JAKMIP1: variants seen among roughly 807,000 people sequenced by gnomAD.
The protein encoded by JAKMIP1 is janus kinase and microtubule-interacting protein 1.
In JAKMIP1, 33 loss-of-function variants were observed where a neutral mutation model predicts 113.0. The observed-to-expected ratio is 0.29, with a 90% CI of 0.22 to 0.39. JAKMIP1 has a LOEUF of 0.39. Ranked by LOEUF, JAKMIP1 falls within the 10% of genes least tolerant of loss-of-function variation. The probability of loss-of-function intolerance (pLI) is 1.00; values close to 1 mark genes in which losing one functional copy is unlikely to be tolerated. For missense variants in JAKMIP1, 813 were observed against 1,080.5 expected (o/e 0.75, Z 3.47); for synonymous variants, 480 against 459.9 (o/e 1.04, Z -0.56).
chr4:6,114,768 A>T lies in JAKMIP1; in HGVS notation c.-147-1771T>A, dbSNP rs76030313. On this transcript the variant is annotated intron_variant, in intron 1 of 20. Transcript: ENST00000409021. ...GATCTGACTTAGAGCTTGATACATA[A>T]TTCATTCCTCACCTCGGCTGACCTG... Among the ~76,000 whole-genome samples, 690 of 152,326 alleles carry T rather than the reference A, an allele frequency of 4.5e-3. 3 individuals are homozygous for T. Among genetic ancestry groups the T allele is most frequent in the Non-Finnish European group, 7.2e-3 (489 of 68,026 alleles).
Position 6,069,167 on chromosome 4 carries a change from A to T in JAKMIP1, c.1303-4159T>A, listed in dbSNP as rs1718588173. Among the ~76,000 whole-genome samples, 1 of 152,214 alleles carries T rather than the reference A, an allele frequency of 6.6e-6. No homozygotes were observed. The highest frequency in any genetic ancestry group is 6.5e-5 in the Admixed American group (1 of 15,284). ...TTCACCACCTGCTTCTCAAGAGATGAGGGGAGAACCGCCCAGAAAACATTG... is the reference window on the plus strand; with the variant it reads ...TTCACCACCTGCTTCTCAAGAGATGTGGGGAGAACCGCCCAGAAAACATTG... On this transcript the variant is annotated intron_variant, in intron 8 of 20. Coordinates refer to ENST00000409021, the MANE Select transcript of JAKMIP1 (RefSeq NM_001099433.2). The surrounding 1 kb of genome is among the most constrained non-coding windows in gnomAD (Gnocchi z 4.5).
Position 6,069,920 on chromosome 4 carries a change from GTC to G in JAKMIP1, c.1303-4914_1303-4913del. 1 of 396,254 alleles carries G rather than the reference GTC, an allele frequency of 2.5e-6. No homozygotes were observed. Among genetic ancestry groups the G allele is most frequent in the Non-Finnish European group, 4.4e-6 (1 of 225,208 alleles). The allele number at this position is 396,254 out of a possible 1,614,324, so 24.5% of individuals were successfully genotyped here. A position where few individuals can be genotyped will look rare whatever the true frequency, so the allele number is the denominator to read the frequency against. ...ACAAATAGCCCCCCAACCAGATCCA[GTC>G]TCTCTCAGCCACCTGTCTTCTCACC... On this transcript the variant is annotated intron_variant, in intron 8 of 20. Transcript: ENST00000409021. This position sits in a 1 kb window ranked among gnomAD's most constrained non-coding sequence, Gnocchi z 4.5.
Position 6,180,894 on chromosome 4 carries a change from C to T in JAKMIP1, c.-148+19359G>A, listed in dbSNP as rs1328448167. 1.3e-5 allele frequency among the ~76,000 whole-genome samples: 2 copies of T among 152,188 alleles called. No homozygotes were observed. The highest frequency in any genetic ancestry group is 2.4e-5 in the African/African-American group (1 of 41,440). ...TTCTTTTTCAACTGCTACTTGCTGG[C>T]TCTTGGCCAACTCATTGCATCATTT... On this transcript the variant is annotated intron_variant, in intron 1 of 20. Transcript: ENST00000409021. This position sits in a 1 kb window ranked among gnomAD's most constrained non-coding sequence, Gnocchi z 4.5.
intron 3 of JAKMIP1, among the ~76,000 whole-genome samples, chr4:6,087,376 TGAG>T (rs1721454119): frequency 6.6e-6 from 1 of 152,212 alleles, no homozygotes; most frequent in African/African-American, 2.4e-5. Flanking sequence ...GTCTAACTGT[TGAG>T]GAGCTTTAGA....
intron 1 of JAKMIP1, among the ~76,000 whole-genome samples, chr4:6,126,989 C>T (rs1049565086): frequency 1.3e-5 from 2 of 151,894 alleles, no homozygotes; most frequent in African/African-American, 4.8e-5. Flanking sequence ...AGACATCACA[C>T]ACATCATACA....
In JAKMIP1 at chr4:6,035,934, C is replaced by G; in HGVS notation, c.2349G>C (p.Glu783Asp). 4 of 1,551,158 alleles carry G rather than the reference C, an allele frequency of 2.6e-6. No homozygotes were observed. The highest frequency in any genetic ancestry group is 3.5e-6 in the Non-Finnish European group (4 of 1,146,934). Residue 783 changes from glutamate to aspartate, a missense_variant, in exon 19 of 21, where the codon GAG becomes GAC. Glu to Asp is a conservative substitution (Grantham distance 45, BLOSUM62 2). This residue lies in a region of JAKMIP1 where 273 missense variants were observed against 426.6 expected (regional missense o/e 0.64). Coordinates refer to ENST00000409021, the MANE Select transcript of JAKMIP1 (RefSeq NM_001099433.2). ...SREFDSQILRERMELLQQAQQ... is the reference protein window; with the variant it reads ...SREFDSQILRDRMELLQQAQQ... ...GGGCCTGCTGCAGCAGCTCCATGCG[C>G]TCCCGCAGGATCTGGCTGTCGAACT...
rs1316152710 is a variant in JAKMIP1 at position 6,064,322 on chromosome 4, C to A, written c.1431+558G>T. Among the ~76,000 whole-genome samples, 1 of 152,204 alleles carries A rather than the reference C, an allele frequency of 6.6e-6. No individual in the cohort carries two copies. The highest frequency in any genetic ancestry group is 1.5e-5 in the Non-Finnish European group (1 of 68,036). The stretch of plus-strand genomic sequence containing the variant: ...TGGTCTTTGCCCCCTCACGAATCCA[C>A]CTTGCTCAAGAAGCTGGCTATGCAC... On this transcript the variant is annotated intron_variant, in intron 9 of 20. Transcript: ENST00000409021. The surrounding 1 kb of genome is among the most constrained non-coding windows in gnomAD (Gnocchi z 4.3).
intron 2 of JAKMIP1, among the ~76,000 whole-genome samples, chr4:6,110,396 C>T (rs1401795971): frequency 6.6e-6 from 1 of 151,564 alleles, no homozygotes; most frequent in Non-Finnish European, 1.5e-5. Context: ...GACTGTGAGA[C>T]AGCAATCGTC....
intron 16 of JAKMIP1, among the ~76,000 whole-genome samples, chr4:6,043,977 T>C (rs1467527533): frequency 6.6e-6 from 1 of 151,936 alleles, no homozygotes; most frequent in Non-Finnish European, 1.5e-5. Flanking sequence ...TCCTCGAACA[T>C]GCCCAGCCTT....
intron 12 of JAKMIP1, among the ~76,000 whole-genome samples, chr4:6,054,967 A>G: frequency 6.6e-6 from 1 of 152,104 alleles, no homozygotes; most frequent in East Asian, 1.9e-4. Flanking sequence ...AGTGAACAAG[A>G]CACCAAAGAT....
Position 6,055,557 on chromosome 4 carries a change from C to T in JAKMIP1, c.1707+1140G>A, listed in dbSNP as rs148810894. On this transcript the variant is annotated intron_variant, in intron 12 of 20. Coordinates refer to ENST00000409021, the MANE Select transcript of JAKMIP1 (RefSeq NM_001099433.2). ...GATCTGCCCATGGACCTGCCTCAGG[C>T]GCCCACCACACTGGTGGTTGAAGGG... Among the ~76,000 whole-genome samples, 219 of 152,274 alleles carry T rather than the reference C, an allele frequency of 1.4e-3. 2 individuals are homozygous for T. Among genetic ancestry groups the T allele is most frequent in the African/African-American group, 4.8e-3 (200 of 41,556 alleles).
At position 6,059,985 on chromosome 4, in the gene JAKMIP1, G is replaced by A. The variant is rs1013558067; in HGVS notation, c.1644+439C>T. On this transcript the variant is annotated intron_variant, in intron 11 of 20. Transcript: ENST00000409021. This position sits in a 1 kb window ranked among gnomAD's most constrained non-coding sequence, Gnocchi z 4.8. Reference sequence around the variant, plus strand: ...GGTGCAGTTGACTCTAACCTGAGCAGCACAGGACCAGACTGTTCTAAGACA... The same window carrying A: ...GGTGCAGTTGACTCTAACCTGAGCAACACAGGACCAGACTGTTCTAAGACA... 6.6e-6 allele frequency among the ~76,000 whole-genome samples: 1 copy of A among 152,188 alleles called. No individual in the cohort carries two copies. The highest frequency in any genetic ancestry group is 1.5e-5 in the Non-Finnish European group (1 of 68,032).
At position 6,199,443 on chromosome 4, in the gene JAKMIP1, G is replaced by T. The variant is rs1728205218; in HGVS notation, c.-148+810C>A. ...GACCGAGGGGCTGGGAGGCGAGGCC[G>T]CAGCGCACTGACGCAGGCCAGCGAG... is the stretch of plus-strand genomic sequence containing the variant. On this transcript the variant is annotated intron_variant, in intron 1 of 20. Coordinates refer to ENST00000409021, the MANE Select transcript of JAKMIP1 (RefSeq NM_001099433.2). The surrounding 1 kb of genome is among the most constrained non-coding windows in gnomAD (Gnocchi z 5.6). 6.6e-6 allele frequency among the ~76,000 whole-genome samples: 1 copy of T among 152,182 alleles called. No homozygotes were observed. The highest frequency in any genetic ancestry group is 1.5e-5 in the Non-Finnish European group (1 of 68,018).
At chr4:6,119,997 T>C (rs1716464567) in intron 1 of JAKMIP1, among the ~76,000 whole-genome samples, 1 of 152,124 alleles carries the variant, frequency 6.6e-6, no homozygotes, top group African/African-American at 2.4e-5. Context: ...GTCCAAATAA[T>C]ATCTGATAAG....
intron 1 of JAKMIP1, among the ~76,000 whole-genome samples, chr4:6,177,204 A>T (rs1725441646): frequency 6.6e-6 from 1 of 152,112 alleles, no homozygotes; most frequent in African/African-American, 2.4e-5. Context: ...ACACTTAGCA[A>T]ATATTGATGT....
chr4:6,094,584 G>C lies in JAKMIP1; in HGVS notation c.625-8955C>G, dbSNP rs987662720. ...CCTAGTTGAGATCCTGAGGCCCAAG[G>C]CCTTAAGCTGTGCCTTGATTCCTCC... On this transcript the variant is annotated intron_variant, in intron 3 of 20. Transcript: ENST00000409021. This position sits in a 1 kb window ranked among gnomAD's most constrained non-coding sequence, Gnocchi z 4.2. Among the ~76,000 whole-genome samples, 1 of 152,216 alleles carries C rather than the reference G, an allele frequency of 6.6e-6. No individual in the cohort carries two copies. Among genetic ancestry groups the C allele is most frequent in the Non-Finnish European group, 1.5e-5 (1 of 68,046 alleles).
intron 10 of JAKMIP1, among the ~76,000 whole-genome samples, 191 bp downstream of exon 10, chr4:6,062,121 G>T (rs896596110): frequency 6.6e-6 from 1 of 152,214 alleles, no homozygotes; most frequent in East Asian, 1.9e-4. Flanking sequence ...GTTCCAGAGC[G>T]CCTGCCATCA....
At chr4:6,111,139 G>A (rs1714865762) in intron 2 of JAKMIP1, among the ~76,000 whole-genome samples, 1 of 152,080 alleles carries the variant, frequency 6.6e-6, no homozygotes, top group African/African-American at 2.4e-5. Flanking sequence ...CAGATCCCAG[G>A]CCCCAGCCCC....
intron 1 of JAKMIP1, among the ~76,000 whole-genome samples, chr4:6,131,467 T>G (rs1206100337): frequency 6.6e-6 from 1 of 151,816 alleles, no homozygotes; most frequent in African/African-American, 2.4e-5. Flanking sequence ...TGGTGGCTCA[T>G]GCCTGTAATC....
Sources: gnomAD v4.1 joint callset for allele counts (sites outside exome capture counted in the v4.1 genomes callset) on GRCh38, gnomAD v4.1.1 for gene constraint, gnomAD v4.1.1 regional missense constraint, Gnocchi (gnomAD v3.1) non-coding constraint, MANE v1.5 for transcripts, NCBI Gene and HGNC (gene_info 2026-07-23, HGNC 2026-07-21) for gene names.